The following RTKN2 variants were observed in gnomAD, a reference collection of about 807,000 sequenced individuals.
RTKN2 encodes rhotekin 2, also known as rhotekin-2.
Under a neutral mutation model 71.5 loss-of-function variants are expected in RTKN2, and 69 were observed. The ratio of observed to expected loss-of-function variants is 0.96; its 90% CI spans 0.79 to 1.18. RTKN2 has a LOEUF of 1.18. Ranked by LOEUF, RTKN2 falls within the 50% of genes most tolerant of loss-of-function variation. RTKN2 has a pLI of 0.00. For missense variants in RTKN2, 724 were observed against 719.7 expected (o/e 1.01, Z -0.07); for synonymous variants, 236 against 236.5 (o/e 1.00, Z 0.02).
chr10:62,214,953 T>C, intron 9 of RTKN2: 2 of 652,518 alleles, frequency 3.1e-6, no homozygotes, highest in South Asian at 4.3e-5. Context: ...TTCTATCTGA[T>C]CTCTGAGACT....
At chr10:62,232,757 C>A (rs528795632) in intron 6 of RTKN2, among the ~76,000 whole-genome samples, 4 of 151,946 alleles carry the variant, frequency 2.6e-5, no homozygotes, top group Admixed American at 1.3e-4. Flanking sequence ...AGAAAAAGCA[C>A]TGGTCTGGGA....
At chr10:62,241,896 T>C (rs1268636845) in intron 3 of RTKN2, among the ~76,000 whole-genome samples, 3 of 152,190 alleles carry the variant, frequency 2.0e-5, no homozygotes, top group Non-Finnish European at 4.4e-5. Flanking sequence ...AGATGGGGTT[T>C]TACCGTGTTA....
rs1352144421 is a variant in RTKN2, at chr10:62,268,599, C to A, written c.12G>T (p.Pro4=). Residue 4 remains proline, a synonymous_variant, in exon 1 of 12, where the codon CCG becomes CCT. Coordinates refer to ENST00000373789, the MANE Select transcript of RTKN2 (RefSeq NM_145307.4). MEG[P]SLRGPALRLA... ...GGCGGAGCGCAGGACCCCTCAGGCTCGGCCCCTCCATCTCCAACGCGAACT... is the reference window on the plus strand; with the variant it reads ...GGCGGAGCGCAGGACCCCTCAGGCTAGGCCCCTCCATCTCCAACGCGAACT... The A allele has an allele frequency of 2.6e-6, 4 of 1,564,216 alleles. No homozygotes were observed. In the East Asian group the frequency reaches 7.1e-5, roughly 28 times the overall value.
intron 9 of RTKN2, among the ~76,000 whole-genome samples, chr10:62,206,115 T>A (rs1841543334): frequency 6.6e-6 from 1 of 152,096 alleles, no homozygotes; most frequent in South Asian, 2.1e-4. Context: ...CAAAATCCAG[T>A]TTGTATTTTA....
rs543301144 is a variant in RTKN2, at chr10:62,235,979, T to A, written c.686+87A>T. Reference sequence around the variant, plus strand: ...TTGTTTCCTGATGTTTTTCCATTTATAAAGTAAACATACACTTCACATATA... The same window carrying A: ...TTGTTTCCTGATGTTTTTCCATTTAAAAAGTAAACATACACTTCACATATA... On this transcript the variant is annotated intron_variant, in intron 6 of 11. Transcript: ENST00000373789. 3.1e-6 allele frequency: 3 copies of A among 980,980 alleles called. No individual in the cohort carries two copies. The African/African-American group carries it at 5.0e-5, about 16-fold the overall frequency. 60.8% of individuals were successfully genotyped at this position (980,980 alleles called of 1,614,324 possible).
At chr10:62,190,783 A>C (rs1841210136), downstream of RTKN2, among the ~76,000 whole-genome samples, 1 of 152,188 alleles carries the variant, frequency 6.6e-6, no homozygotes, top group Non-Finnish European at 1.5e-5. Context: ...CAACTATTCC[A>C]GCTTAACCCG....
chr10:62,256,509 T>C (rs371456280), intron 2 of RTKN2, among the ~76,000 whole-genome samples: 13 of 152,188 alleles, frequency 8.5e-5, no homozygotes, highest in African/African-American at 3.1e-4. Flanking sequence ...TAGATTATTA[T>C]GGAATTACTA....
chr10:62,186,645 T>C (rs1396893264), intron 8 of RTKN2, among the ~76,000 whole-genome samples: 1 of 152,224 alleles, frequency 6.6e-6, no homozygotes, highest in Non-Finnish European at 1.5e-5. Flanking sequence ...CTGTCTTATG[T>C]ATTAAAAGTC....
chr10:62,202,389 C>A (rs1410333806), intron 10 of RTKN2, among the ~76,000 whole-genome samples: 2 of 152,156 alleles, frequency 1.3e-5, no homozygotes, highest in Non-Finnish European at 2.9e-5. Context: ...GCCCTGAATA[C>A]CTATCCTGTA....
At chr10:62,184,533 C>T (rs769339939) in intron 8 of RTKN2, 2 of 505,176 alleles carry the variant, frequency 4.0e-6, no homozygotes, top group Non-Finnish European at 3.5e-6. Context: ...TGTAAAAAAG[C>T]CTTTCTTAGA....
intron 9 of RTKN2, among the ~76,000 whole-genome samples, chr10:62,209,068 G>A (rs1259291695): frequency 2.6e-5 from 4 of 152,126 alleles, no homozygotes; most frequent in East Asian, 1.9e-4. Context: ...TCGGGAGTTC[G>A]AGACCAGCCT....
chr10:62,210,509 G>A (rs1226364839), intron 9 of RTKN2, among the ~76,000 whole-genome samples: 1 of 152,132 alleles, frequency 6.6e-6, no homozygotes, highest in African/African-American at 2.4e-5. Flanking sequence ...TTTCTTGGCT[G>A]TAATGCAGAT....
At chr10:62,263,796 CATTT>C (rs556064072) in intron 1 of RTKN2, among the ~76,000 whole-genome samples, 208 of 152,162 alleles carry the variant, frequency 1.4e-3, no homozygotes, top group Non-Finnish European at 2.2e-3. Context: ...CTGGACATAC[CATTT>C]ATTTTAGTTT....
chr10:62,213,386 A>G (rs1373471411), intron 9 of RTKN2, among the ~76,000 whole-genome samples: 17 of 152,176 alleles, frequency 1.1e-4, no homozygotes, highest in Admixed American at 1.1e-3. Context: ...CGACCATAAA[A>G]TATTCTAATA....
intron 6 of RTKN2, among the ~76,000 whole-genome samples, chr10:62,227,152 A>C (rs1430442247): frequency 6.6e-6 from 1 of 152,194 alleles, no homozygotes; most frequent in African/African-American, 2.4e-5. Flanking sequence ...ACAATCAACG[A>C]AATAGGGGAG....
At chr10:62,206,444 A>C (rs1841550980) in intron 9 of RTKN2, among the ~76,000 whole-genome samples, 1 of 152,178 alleles carries the variant, frequency 6.6e-6, no homozygotes, top group Non-Finnish European at 1.5e-5. Context: ...AAAAATGGAT[A>C]AATACAGGCA....
intron 10 of RTKN2, among the ~76,000 whole-genome samples, chr10:62,202,416 A>T (rs540256924): frequency 6.6e-6 from 1 of 152,206 alleles, no homozygotes; most frequent in Admixed American, 6.5e-5. Context: ...TCTACATACC[A>T]TACTTCAACC....
intron 2 of RTKN2, among the ~76,000 whole-genome samples, chr10:62,251,495 C>T (rs1206015094): frequency 6.6e-6 from 1 of 152,126 alleles, no homozygotes; most frequent in Non-Finnish European, 1.5e-5. Context: ...CACCTGACTT[C>T]TAATCACTTG....
intron 2 of RTKN2, among the ~76,000 whole-genome samples, chr10:62,251,285 CTATTT>C (rs1274046483): frequency 2.6e-5 from 4 of 152,100 alleles, no homozygotes; most frequent in African/African-American, 9.7e-5. Context: ...TATAATTGTT[CTATTT>C]TATTATTAGT....
Sources: allele counts gnomAD v4.1 joint callset (sites outside exome capture counted in the v4.1 genomes callset), GRCh38; gene constraint gnomAD v4.1.1; transcripts MANE v1.5; gene names NCBI Gene and HGNC (gene_info 2026-07-23, HGNC 2026-07-21).